UQCRH: variants seen among roughly 807,000 people sequenced by gnomAD.
The protein encoded by UQCRH is cytochrome b-c1 complex subunit 6, mitochondrial.
Under a neutral mutation model 16.3 loss-of-function variants are expected in UQCRH, and 14 were observed. The ratio of observed to expected loss-of-function variants is 0.86; its 90% CI spans 0.57 to 1.34. The LOEUF (loss-of-function observed/expected upper bound fraction) is 1.34, where lower values mean the gene tolerates loss of function less well. UQCRH is among the 40% of genes most tolerant of loss of function. The pLI is 0.00. For synonymous variants in UQCRH, 41 were observed against 41.9 expected (o/e 0.98, Z 0.08); for missense variants, 89 against 111.9 (o/e 0.80, Z 0.92).
chr1:46,309,870 G>A (rs1306090364), intron 2 of UQCRH: 16 of 1,353,504 alleles, frequency 1.2e-5, no homozygotes, highest in Non-Finnish European at 1.5e-5. Flanking sequence ...AGTTTGGCCA[G>A]GTTTCCTTTA....
intron 2 of UQCRH, chr1:46,309,863 T>C: frequency 3.0e-6 from 4 of 1,341,758 alleles, no homozygotes; most frequent in Non-Finnish European, 3.8e-6. Context: ...TACTTCAAGT[T>C]TGGCCAGGTT....
intron 2 of UQCRH, 134 bp downstream of exon 2, chr1:46,309,261 C>A: frequency 2.0e-6 from 2 of 1,017,602 alleles, no homozygotes; most frequent in Non-Finnish European, 2.9e-6. Flanking sequence ...TTGATACTTC[C>A]TGTGCAGTGG....
At chr1:46,305,490 CGGGAGG>C (rs1195417258) in intron 1 of UQCRH, among the ~76,000 whole-genome samples, 2 of 13,996 alleles carry the variant, frequency 1.4e-4, no homozygotes, top group Non-Finnish European at 4.8e-4. Flanking sequence ...GCGGGTGGAT[CGGGAGG>C]CCGAGGCGGG....
intron 1 of UQCRH, among the ~76,000 whole-genome samples, chr1:46,305,614 C>A (rs760389272): frequency 1.3e-5 from 2 of 151,646 alleles, no homozygotes; most frequent in Admixed American, 6.6e-5. Flanking sequence ...ATTAGCCGGG[C>A]GTGGCGGCGG....
At chr1:46,315,993 G>C (rs1228765367) in intron 3 of UQCRH, among the ~76,000 whole-genome samples, 1 of 152,178 alleles carries the variant, frequency 6.6e-6, no homozygotes, top group Non-Finnish European at 1.5e-5. Context: ...AACAGAAGTA[G>C]AACAAGTGCT....
chr1:46,310,445 G>A (rs918997546), intron 3 of UQCRH, 129 bp downstream of exon 3: 12 of 1,353,742 alleles, frequency 8.9e-6, no homozygotes, highest in East Asian at 2.3e-5. Flanking sequence ...CATATGGTGC[G>A]CTGAGCATTT....
intron 3 of UQCRH, among the ~76,000 whole-genome samples, chr1:46,314,431 G>A (rs1246262163): frequency 2.6e-5 from 4 of 151,930 alleles, no homozygotes; most frequent in Admixed American, 2.0e-4. Flanking sequence ...AGCTTTTTGG[G>A]AGGCCGAGGC....
chr1:46,316,467 A>C, intron 3 of UQCRH, 85 bp from the exon 4 acceptor site: 2 of 1,575,302 alleles, frequency 1.3e-6, no homozygotes, highest in Admixed American at 1.7e-5. Flanking sequence ...GAAGAGGGGC[A>C]GTACTGTTTC....
At chr1:46,316,430 T>G in intron 3 of UQCRH, 122 bp from the exon 4 acceptor site, 1 of 1,312,874 alleles carries the variant, frequency 7.6e-7, no homozygotes, top group Non-Finnish European at 1.1e-6. Context: ...CAAGTGCTGC[T>G]TGCCTATGTG....
At chr1:46,315,199 C>T (rs1033679492) in intron 3 of UQCRH, among the ~76,000 whole-genome samples, 1 of 152,122 alleles carries the variant, frequency 6.6e-6, no homozygotes, top group Non-Finnish European at 1.5e-5. Context: ...AATCCCAGCA[C>T]TTTCAGAGGC....
In UQCRH at chr1:46,307,070, C is replaced by T. The variant is rs141525973; in HGVS notation, c.55-2031C>T. 6.4e-3 allele frequency among the ~76,000 whole-genome samples: 978 copies of T among 152,032 alleles called. 10 individuals are homozygous for T. The highest frequency in any genetic ancestry group is 0.02 in the African/African-American group (823 of 41,448). On this transcript the variant is annotated intron_variant, in intron 1 of 3. Coordinates refer to ENST00000311672, the MANE Select transcript of UQCRH (RefSeq NM_006004.4). ...CCGGCTAATTTATTTATTTTTGAGACGGAGTCTCTCTGTCGCCCAGGCTGG... is the reference window on the plus strand; with the variant it reads ...CCGGCTAATTTATTTATTTTTGAGATGGAGTCTCTCTGTCGCCCAGGCTGG...
chr1:46,315,949 C>A (rs991215129), intron 3 of UQCRH, among the ~76,000 whole-genome samples: 2 of 152,176 alleles, frequency 1.3e-5, no homozygotes, highest in African/African-American at 4.8e-5. Flanking sequence ...AGACATGGTT[C>A]ATTCCTTCAC....
intron 1 of UQCRH, among the ~76,000 whole-genome samples, chr1:46,307,417 C>T (rs1661396845): frequency 2.0e-5 from 3 of 152,104 alleles, no homozygotes; most frequent in Admixed American, 6.6e-5. Context: ...TCTCACCTGG[C>T]CCTGTATTGG....
chr1:46,311,473 G>A (rs1418212777), intron 3 of UQCRH, among the ~76,000 whole-genome samples: 1 of 150,894 alleles, frequency 6.6e-6, no homozygotes, highest in Non-Finnish European at 1.5e-5. Context: ...AGCTACTCGG[G>A]AGCCTGAGGC....
chr1:46,309,178 C>T, intron 2 of UQCRH, 51 bp downstream of exon 2: 1 of 1,588,624 alleles, frequency 6.3e-7, no homozygotes, highest in East Asian at 2.2e-5. Context: ...AGGGTTTGAG[C>T]TTCATGAAAT....
At chr1:46,310,390 T>C in intron 3 of UQCRH, 74 bp downstream of exon 3, 1 of 1,601,982 alleles carries the variant, frequency 6.2e-7, no homozygotes, top group South Asian at 1.1e-5. Context: ...AATCTTTCCA[T>C]GCTAGGGAAA....
At chr1:46,306,878 GA>G (rs756732884) in intron 1 of UQCRH, among the ~76,000 whole-genome samples, 314 of 152,226 alleles carry the variant, frequency 2.1e-3, no homozygotes, top group Non-Finnish European at 3.6e-3. Flanking sequence ...GGTAGAGGAT[GA>G]AACATGTATT....
intron 3 of UQCRH, among the ~76,000 whole-genome samples, chr1:46,314,360 G>A (rs1445797244): frequency 9.3e-5 from 13 of 139,188 alleles, no homozygotes; most frequent in East Asian, 6.3e-4. Flanking sequence ...GCAAGACTCC[G>A]TCTCAAAAAA....
chr1:46,310,452 A>C (rs933090582), intron 3 of UQCRH, 136 bp downstream of exon 3: 3 of 1,290,406 alleles, frequency 2.3e-6, no homozygotes, highest in African/African-American at 3.0e-5. Context: ...TGCGCTGAGC[A>C]TTTTATGTAA....
Sources: allele counts gnomAD v4.1 joint callset (sites outside exome capture counted in the v4.1 genomes callset), GRCh38; gene constraint gnomAD v4.1.1; transcripts MANE v1.5; gene names NCBI Gene and HGNC (gene_info 2026-07-23, HGNC 2026-07-21).